Variants in UBASH3B observed in about 807,000 individuals in gnomAD.
The protein encoded by UBASH3B is ubiquitin-associated and SH3 domain-containing protein B.
UBASH3B carries 37 observed loss-of-function variants against 83.4 expected under a neutral mutation model. The observed-to-expected ratio is 0.44, with a 90% CI of 0.34 to 0.58. The LOEUF is 0.58. Ranked by LOEUF, UBASH3B falls within the 20% of genes least tolerant of loss-of-function variation. The pLI is 0.01. For synonymous variants in UBASH3B, 304 were observed against 318.3 expected, an observed-to-expected ratio of 0.96 and a Z score of 0.48; for missense variants, 657 against 827.2, an observed-to-expected ratio of 0.79 and a Z score of 2.52.
chr11:122,744,898 T>TGTGTGCGC (rs1293701124), intron 1 of UBASH3B, among the ~76,000 whole-genome samples: 12 of 107,802 alleles, frequency 1.1e-4, no homozygotes, highest in African/African-American at 2.6e-4. Context: ...TGTGTGTGTG[T>TGTGTGCGC]GCGCGCGCGC....
chr11:122,790,950 G>GAA (rs199977761), intron 6 of UBASH3B, among the ~76,000 whole-genome samples: 13 of 136,090 alleles, frequency 9.6e-5, no homozygotes, highest in Non-Finnish European at 1.8e-4. Flanking sequence ...GACTTTGTCT[G>GAA]AAAAAAAAAA....
At chr11:122,767,276 A>T (rs1860560904) in intron 1 of UBASH3B, among the ~76,000 whole-genome samples, 1 of 150,226 alleles carries the variant, frequency 6.7e-6, no homozygotes, top group African/African-American at 2.5e-5. Context: ...CAAAAAAAAA[A>T]AAAAAGTAAT....
chr11:122,773,952 G>A (rs1470436292), intron 1 of UBASH3B: 1 of 984,898 alleles, frequency 1.0e-6, no homozygotes, highest in Non-Finnish European at 1.2e-6. Flanking sequence ...TTTCCCAGTT[G>A]TTTTTGGAAC....
chr11:122,788,204 T>C (rs924580047), intron 5 of UBASH3B, among the ~76,000 whole-genome samples: 1 of 152,242 alleles, frequency 6.6e-6, no homozygotes, highest in African/African-American at 2.4e-5. Context: ...TAGACATTTT[T>C]CTTTCAGGAT....
intron 1 of UBASH3B, among the ~76,000 whole-genome samples, chr11:122,764,169 T>C (rs1860493588): frequency 6.6e-6 from 1 of 152,216 alleles, no homozygotes; most frequent in African/African-American, 2.4e-5. Flanking sequence ...CTATTCTTAA[T>C]ATCCATGAGA....
chr11:122,683,008 G>A (rs964345835), intron 1 of UBASH3B, among the ~76,000 whole-genome samples: 2 of 152,068 alleles, frequency 1.3e-5, no homozygotes, highest in African/African-American at 4.8e-5. Flanking sequence ...AACTCCGGGA[G>A]GCCAAGGCAG....
At chr11:122,773,840 A>G (rs1231979667) in intron 1 of UBASH3B, among the ~76,000 whole-genome samples, 1 of 152,208 alleles carries the variant, frequency 6.6e-6, no homozygotes, top group East Asian at 1.9e-4. Flanking sequence ...AATAAATTAA[A>G]TTTCACTCGG....
intron 1 of UBASH3B, among the ~76,000 whole-genome samples, chr11:122,762,663 C>T (rs900934262): frequency 6.6e-5 from 10 of 152,208 alleles, no homozygotes; most frequent in Admixed American, 5.9e-4. Context: ...CTCCTGCCAC[C>T]GTCACCCGTT....
At chr11:122,681,557 C>T (rs967789965) in intron 1 of UBASH3B, among the ~76,000 whole-genome samples, 4 of 152,112 alleles carry the variant, frequency 2.6e-5, no homozygotes, top group South Asian at 2.1e-4. Flanking sequence ...CAAAGAAAGC[C>T]GAGTCCTGGG....
At position 122,814,306 on chromosome 11, in the gene UBASH3B, G is replaced by T. The variant is rs1034485258; in HGVS notation, c.*4420G>T. 6.6e-6 allele frequency: 1 copy of T among 152,552 alleles called. No homozygotes were observed. The highest frequency in any genetic ancestry group is 1.5e-5 in the Non-Finnish European group (1 of 68,014). The allele number at this position is 152,552 out of a possible 1,614,324, so 9.4% of individuals were successfully genotyped here. A position where few individuals can be genotyped will look rare whatever the true frequency, so the allele number is the denominator to read the frequency against. ...AGTTATAGGAAAACCACACCTACCTGTATTGCCAAATTCTTTGTAAACTCT... is the reference window on the plus strand; with the variant it reads ...AGTTATAGGAAAACCACACCTACCTTTATTGCCAAATTCTTTGTAAACTCT... On this transcript the variant is annotated 3_prime_UTR_variant, in exon 14 of 14. Coordinates refer to ENST00000284273, the MANE Select transcript of UBASH3B (RefSeq NM_032873.5).
At chr11:122,794,123 G>A (rs148319139) in intron 6 of UBASH3B, among the ~76,000 whole-genome samples, 55 of 152,276 alleles carry the variant, frequency 3.6e-4, no homozygotes, top group African/African-American at 1.3e-3. Flanking sequence ...AAATCACTAG[G>A]ATCCATCCCT....
intron 1 of UBASH3B, among the ~76,000 whole-genome samples, chr11:122,717,973 G>GT (rs1456243088): frequency 6.6e-6 from 1 of 150,882 alleles, no homozygotes; most frequent in African/African-American, 2.5e-5. Flanking sequence ...CCAGACTGGA[G>GT]TGCAGTGGCG....
intron 4 of UBASH3B, among the ~76,000 whole-genome samples, chr11:122,781,572 T>C (rs1173648705): frequency 3.3e-5 from 5 of 152,224 alleles, no homozygotes; most frequent in Non-Finnish European, 7.3e-5. Flanking sequence ...TTGGCCGGCT[T>C]CGTTTCTCTG....
intron 1 of UBASH3B, among the ~76,000 whole-genome samples, chr11:122,751,802 C>G (rs1187312746): frequency 6.6e-6 from 1 of 152,202 alleles, no homozygotes; most frequent in Non-Finnish European, 1.5e-5. Context: ...TGCTCCACAT[C>G]ACATCCATCA....
chr11:122,741,017 A>G (rs1488126983), intron 1 of UBASH3B, among the ~76,000 whole-genome samples: 1 of 152,198 alleles, frequency 6.6e-6, no homozygotes, highest in Non-Finnish European at 1.5e-5. Context: ...CAAAGCGCAT[A>G]TTAACATATA....
chr11:122,718,733 A>T (rs1860568812), intron 1 of UBASH3B, among the ~76,000 whole-genome samples: 1 of 152,206 alleles, frequency 6.6e-6, no homozygotes, highest in African/African-American at 2.4e-5. Context: ...CTCATAGCGC[A>T]TGTGTGTGTT....
intron 1 of UBASH3B, among the ~76,000 whole-genome samples, chr11:122,738,243 G>A (rs7126129): frequency 0.12 from 18,228 of 152,104 alleles, 3,181 homozygotes; most frequent in African/African-American, 0.39. Context: ...TTAGATTGGT[G>A]TCTTAATACA....
intron 7 of UBASH3B, among the ~76,000 whole-genome samples, chr11:122,795,275 A>G (rs1233844066): frequency 6.6e-6 from 1 of 152,212 alleles, no homozygotes; most frequent in Non-Finnish European, 1.5e-5. Context: ...AACAGTACAA[A>G]TAGAGGCAAG....
rs145674127 is a variant in UBASH3B at position 122,801,276 on chromosome 11, A to C, written c.1539A>C (p.Ala513=). The change falls in exon 11 of 14, where the codon GCA becomes GCC. Residue 513 remains alanine (A), a synonymous_variant. Transcript: ENST00000284273. ...TKWVAGSTLP[A]WIPPSELAAA... ...GGGTTGCTGGGAGCACATTACCTGC[A>C]TGGATACCTCCATCAGAGTTAGCTG... 3.3e-5 allele frequency: 53 copies of C among 1,614,094 alleles called. No individual in the cohort carries two copies. Among genetic ancestry groups the C allele is most frequent in the South Asian group, 3.1e-4 (28 of 91,084 alleles).
Sources: allele counts gnomAD v4.1 joint callset (sites outside exome capture counted in the v4.1 genomes callset), GRCh38; gene constraint gnomAD v4.1.1; transcripts MANE v1.5; gene names NCBI Gene and HGNC (gene_info 2026-07-23, HGNC 2026-07-21).